TNPO3: variants seen among roughly 807,000 people sequenced by gnomAD.
TNPO3 encodes the protein transportin 3.
A neutral mutation model predicts 122.8 loss-of-function variants in TNPO3; 65 were observed. The observed-to-expected ratio is 0.53, with a 90% CI of 0.43 to 0.65. The LOEUF (loss-of-function observed/expected upper bound fraction) is 0.65, where lower values mean the gene tolerates loss of function less well. Ranked by LOEUF, TNPO3 falls within the 30% of genes least tolerant of loss-of-function variation. TNPO3 has a pLI of 0.00. For synonymous variants in TNPO3, 372 were observed against 411.2 expected, an observed-to-expected ratio of 0.90 and a Z score of 1.15; for missense variants, 850 against 1,136.7, an observed-to-expected ratio of 0.75 and a Z score of 3.63.
chr7:129,053,966 A>G (rs997067726), intron 1 of TNPO3, among the ~76,000 whole-genome samples: 1 of 152,256 alleles, frequency 6.6e-6, no homozygotes, highest in African/African-American at 2.4e-5. Flanking sequence ...GAATAATCAA[A>G]GCAGCAGTGA....
At chr7:129,019,279 A>G (rs1272465319) in intron 1 of TNPO3, among the ~76,000 whole-genome samples, 1 of 152,194 alleles carries the variant, frequency 6.6e-6, no homozygotes, top group African/African-American at 2.4e-5. Context: ...CAGCCTCTGG[A>G]AGAAGACTAA....
intron 20 of TNPO3, among the ~76,000 whole-genome samples, chr7:128,967,616 C>T (rs975274073): frequency 5.9e-5 from 9 of 152,194 alleles, no homozygotes; most frequent in Admixed American, 2.0e-4. Flanking sequence ...AAAGGGGCAG[C>T]GGGCATCATT....
intron 1 of TNPO3, among the ~76,000 whole-genome samples, chr7:129,054,393 T>C (rs1052263007): frequency 7.2e-5 from 11 of 152,076 alleles, no homozygotes; most frequent in Non-Finnish European, 1.2e-4. Flanking sequence ...CAAGATTAGA[T>C]TGATGCCACA....
chr7:128,996,775 A>C (rs1563097652), intron 8 of TNPO3, among the ~76,000 whole-genome samples: 2 of 151,084 alleles, frequency 1.3e-5, no homozygotes, highest in African/African-American at 4.9e-5. Flanking sequence ...AAAAGAGTAC[A>C]TAATTTTACA....
At chr7:129,010,214 T>C (rs1803033020) in intron 4 of TNPO3, among the ~76,000 whole-genome samples, 1 of 152,240 alleles carries the variant, frequency 6.6e-6, no homozygotes, top group East Asian at 1.9e-4. Flanking sequence ...TTGCCCAGAC[T>C]GGAGTGCACT....
intron 9 of TNPO3, among the ~76,000 whole-genome samples, chr7:128,992,506 G>A (rs1800850831): frequency 6.6e-6 from 1 of 151,980 alleles, no homozygotes; most frequent in South Asian, 2.1e-4. Flanking sequence ...CATCAACACT[G>A]GTAGTACTGA....
chr7:128,972,054 C>G (rs1050591647), intron 19 of TNPO3, among the ~76,000 whole-genome samples: 1 of 152,164 alleles, frequency 6.6e-6, no homozygotes, highest in Non-Finnish European at 1.5e-5. Context: ...TACTCAGTAG[C>G]TGAGGATCCC....
chr7:128,958,297 C>G (rs1179949277), intron 21 of TNPO3, among the ~76,000 whole-genome samples: 1 of 152,076 alleles, frequency 6.6e-6, no homozygotes, highest in Non-Finnish European at 1.5e-5. Flanking sequence ...GTGCCCACCA[C>G]CACGCCCGAC....
intron 1 of TNPO3, chr7:129,030,329 C>T: frequency 4.1e-6 from 1 of 243,482 alleles, no homozygotes; most frequent in South Asian, 5.3e-5. Flanking sequence ...ACTGTTGCTG[C>T]TACTTGTACT....
intron 3 of TNPO3, among the ~76,000 whole-genome samples, chr7:129,016,226 T>G (rs541770415): frequency 3.7e-4 from 56 of 152,218 alleles, no homozygotes; most frequent in Non-Finnish European, 4.3e-4. Flanking sequence ...AAACCCCGCC[T>G]CTACTGAAAA....
At position 128,979,126 on chromosome 7, in the gene TNPO3, G is replaced by A; in HGVS notation, c.1921-3C>T. On this transcript the variant is annotated splice_region_variant and splice_polypyrimidine_tract_variant and intron_variant, in intron 15 of 22. Transcript: ENST00000265388. ...GTCTCGGATAAAACTGGCCATATCT[G>A]GGTCAAAAGTAAAAGAGCACAAGAA... 1 of 1,613,652 alleles carries A rather than the reference G, an allele frequency of 6.2e-7. No individual in the cohort carries two copies. The highest frequency in any genetic ancestry group is 1.7e-5 in the Admixed American group (1 of 59,968).
chr7:128,956,424 C>G (rs1044868225), intron 22 of TNPO3, among the ~76,000 whole-genome samples: 1 of 152,170 alleles, frequency 6.6e-6, no homozygotes, highest in South Asian at 2.1e-4. Context: ...AAGCTTCTTG[C>G]TTTGCTTCAG....
At chr7:129,045,262 G>C (rs1807884585) in intron 1 of TNPO3, among the ~76,000 whole-genome samples, 1 of 152,150 alleles carries the variant, frequency 6.6e-6, no homozygotes, top group African/African-American at 2.4e-5. Flanking sequence ...AGATGAAAAA[G>C]TTTTGAAGAT....
chr7:129,052,749 C>T (rs2150577360), intron 1 of TNPO3, among the ~76,000 whole-genome samples: 1 of 152,336 alleles, frequency 6.6e-6, no homozygotes, highest in Middle Eastern at 3.4e-3. Flanking sequence ...AAACACCCAG[C>T]ATAGTTGCTG....
intron 1 of TNPO3, among the ~76,000 whole-genome samples, chr7:129,020,982 C>T (rs1804426843): frequency 1.3e-5 from 2 of 152,062 alleles, no homozygotes; most frequent in African/African-American, 4.8e-5. Flanking sequence ...TCTACTGGAC[C>T]TAAGAACAGA....
chr7:129,018,288 C>G (rs951929952), intron 1 of TNPO3, 131 bp from the exon 2 acceptor site: 132 of 862,884 alleles, frequency 1.5e-4, no homozygotes, highest in Non-Finnish European at 2.1e-4. Flanking sequence ...GCTAAATTAC[C>G]CAGTAATTCA....
chr7:128,956,552 C>T (rs1289179783), intron 22 of TNPO3, among the ~76,000 whole-genome samples: 1 of 152,180 alleles, frequency 6.6e-6, no homozygotes, highest in African/African-American at 2.4e-5. Context: ...CTGATATGAC[C>T]CTCAAGCGAA....
chr7:128,958,900 A>G (rs1345043204), intron 21 of TNPO3, among the ~76,000 whole-genome samples: 2 of 152,170 alleles, frequency 1.3e-5, no homozygotes, highest in African/African-American at 4.8e-5. Context: ...GCTACTCACG[A>G]GGCTAAGGCA....
upstream of TNPO3, chr7:129,055,269 CTG>C (rs1809362607): frequency 6.2e-6 from 1 of 160,982 alleles, no homozygotes; most frequent in African/African-American, 2.4e-5. Flanking sequence ...GGTGTTCTCT[CTG>C]TTCCTCGCTA....
Sources: gnomAD v4.1 joint callset for allele counts (sites outside exome capture counted in the v4.1 genomes callset) on GRCh38, gnomAD v4.1.1 for gene constraint, MANE v1.5 for transcripts, NCBI Gene and HGNC (gene_info 2026-07-23, HGNC 2026-07-21) for gene names.